Variants in SUPT3H observed in about 807,000 individuals in gnomAD.
SUPT3H encodes transcription initiation protein SPT3 homolog.
A neutral mutation model predicts 44.3 loss-of-function variants in SUPT3H; 44 were observed. That is an observed-to-expected ratio of 0.99 (90% confidence interval 0.78 to 1.28). The LOEUF (loss-of-function observed/expected upper bound fraction) is 1.28. Ranked by LOEUF, SUPT3H falls within the 50% of genes most tolerant of loss-of-function variation. SUPT3H has a pLI of 0.00. For missense variants in SUPT3H, 380 were observed against 387.1 expected (o/e 0.98, Z 0.15); for synonymous variants, 124 against 125.6 (o/e 0.99, Z 0.09).
In SUPT3H at chr6:45,143,734, A is replaced by G. The variant is rs186336904; in HGVS notation, c.102-37728T>C. ...AACTAAATGAAATTGAAACAAAAAAATGCAAAATAAAGTGAAACATAAAGC... is the reference window on the plus strand; with the variant it reads ...AACTAAATGAAATTGAAACAAAAAAGTGCAAAATAAAGTGAAACATAAAGC... On this transcript the variant is annotated intron_variant, in intron 2 of 10. Coordinates refer to ENST00000371459, the MANE Select transcript of SUPT3H (RefSeq NM_003599.4). Among the ~76,000 whole-genome samples the G allele has an allele frequency of 2.0e-5, 3 of 152,180 alleles. No homozygotes were observed. The East Asian group carries it at 5.8e-4, about 29-fold the overall frequency.
chr6:44,916,578 G>A (rs1004912264), intron 10 of SUPT3H, among the ~76,000 whole-genome samples: 12 of 152,150 alleles, frequency 7.9e-5, no homozygotes, highest in Admixed American at 6.6e-4. Flanking sequence ...ACTGAAAATG[G>A]ACATAGAAAC....
At chr6:45,008,672 A>C (rs1783051943) in intron 5 of SUPT3H, among the ~76,000 whole-genome samples, 1 of 151,444 alleles carries the variant, frequency 6.6e-6, no homozygotes, top group South Asian at 2.1e-4. Context: ...TATCTTTTTG[A>C]TCACAGTCAT....
chr6:45,150,850 GTAGCTGGGA>G (rs1806848826), intron 2 of SUPT3H, among the ~76,000 whole-genome samples: 1 of 148,522 alleles, frequency 6.7e-6, no homozygotes, highest in Non-Finnish European at 1.5e-5. Flanking sequence ...AGCTTCCCAA[GTAGCTGGGA>G]CTACAGGCGT....
At chr6:44,884,889 C>T (rs993852428) in intron 10 of SUPT3H, among the ~76,000 whole-genome samples, 15 of 152,018 alleles carry the variant, frequency 9.9e-5, no homozygotes, top group African/African-American at 3.4e-4. Context: ...GACGGCACCT[C>T]GAAAATCGGG....
chr6:44,867,673 T>C (rs1278378414), intron 10 of SUPT3H, among the ~76,000 whole-genome samples: 15 of 152,252 alleles, frequency 9.9e-5, no homozygotes, highest in East Asian at 9.7e-4. Context: ...AGAATCTCAT[T>C]GGTTCACACC....
intron 6 of SUPT3H, among the ~76,000 whole-genome samples, chr6:44,967,702 G>A (rs1776966051): frequency 1.3e-5 from 2 of 152,176 alleles, no homozygotes; most frequent in South Asian, 4.1e-4. Context: ...AAGGCACATG[G>A]CATTTAACTT....
intron 2 of SUPT3H, among the ~76,000 whole-genome samples, chr6:45,336,572 CTAAAT>C (rs1481088366): frequency 6.6e-6 from 1 of 151,268 alleles, no homozygotes; most frequent in East Asian, 1.9e-4. Context: ...GCTTAAATTG[CTAAAT>C]TATTTAATTA....
At chr6:45,101,647 A>C (rs553809790) in intron 3 of SUPT3H, among the ~76,000 whole-genome samples, 1 of 152,332 alleles carries the variant, frequency 6.6e-6, no homozygotes, top group South Asian at 2.1e-4. Flanking sequence ...GTGGATTTTG[A>C]ATATTCCCAA....
intron 2 of SUPT3H, among the ~76,000 whole-genome samples, chr6:45,338,283 C>A (rs1042661707): frequency 1.3e-5 from 2 of 151,944 alleles, no homozygotes; most frequent in Admixed American, 1.3e-4. Context: ...TATACTTTCA[C>A]TGCAGATTGT....
chr6:45,087,725 C>T (rs531534239), intron 3 of SUPT3H, among the ~76,000 whole-genome samples: 54 of 151,974 alleles, frequency 3.6e-4, no homozygotes, highest in African/African-American at 1.2e-3. Context: ...GGGGCTTGAG[C>T]TCTCTGTTTC....
chr6:45,085,838 T>A (rs1035808715), intron 3 of SUPT3H, among the ~76,000 whole-genome samples: 3 of 152,108 alleles, frequency 2.0e-5, no homozygotes, highest in Non-Finnish European at 4.4e-5. Flanking sequence ...TGATAATTTT[T>A]GCTTGTCTGG....
intron 2 of SUPT3H, among the ~76,000 whole-genome samples, chr6:45,214,015 C>CAAAAAAAAAAAAAAAA (rs11418358): frequency 9.4e-5 from 7 of 74,100 alleles, no homozygotes; most frequent in Admixed American, 1.8e-4. Context: ...TTTTGAAATG[C>CAAAAAAAAAAAAAAAA]AAAAAAAAAA....
At chr6:44,817,728 T>C (rs1581810324) in intron 11 of SUPT3H, among the ~76,000 whole-genome samples, 1 of 152,216 alleles carries the variant, frequency 6.6e-6, no homozygotes, top group East Asian at 1.9e-4. Context: ...AAAATTTAAA[T>C]ATTTCTTATA....
intron 6 of SUPT3H, among the ~76,000 whole-genome samples, chr6:44,997,579 C>T (rs1019659994): frequency 2.0e-5 from 3 of 151,778 alleles, no homozygotes; most frequent in Admixed American, 6.6e-5. Context: ...CATTGATGCT[C>T]AAGGATTACC....
At chr6:44,843,927 G>GCACGCACA (rs1046367976) in intron 10 of SUPT3H, among the ~76,000 whole-genome samples, 262 of 148,102 alleles carry the variant, frequency 1.8e-3, no homozygotes, top group African/African-American at 6.0e-3. Context: ...ACACACACAC[G>GCACGCACA]CACACACACA....
rs1205803787 is a variant in SUPT3H at position 45,312,749 on chromosome 6, G to T, written c.101+52452C>A. ...ACAGGTCAACAAGACAGTCAACAAA[G>T]AAATAATAAATTTAAACTATACCTT... On this transcript the variant is annotated intron_variant, in intron 2 of 10. Coordinates refer to ENST00000371459, the MANE Select transcript of SUPT3H (RefSeq NM_003599.4). Among the ~76,000 whole-genome samples, 5 of 135,682 alleles carry T rather than the reference G, an allele frequency of 3.7e-5. No homozygotes were observed. The South Asian group carries it at 9.5e-4, about 26-fold the overall frequency. 89.0% of individuals were successfully genotyped at this position (135,682 alleles called of 152,430 possible). A position where few individuals can be genotyped will look rare whatever the true frequency, so the allele number is the denominator to read the frequency against.
chr6:45,128,926 TC>T (rs1454993633), intron 2 of SUPT3H, among the ~76,000 whole-genome samples: 1 of 152,144 alleles, frequency 6.6e-6, no homozygotes, highest in Non-Finnish European at 1.5e-5. Flanking sequence ...CCTCAAGTGA[TC>T]CGCCTGCCTC....
chr6:45,297,077 T>TA (rs373194598), intron 2 of SUPT3H, among the ~76,000 whole-genome samples: 43,463 of 141,292 alleles, frequency 0.31, 7,738 homozygotes, highest in East Asian at 0.52. Flanking sequence ...GAAATAAATT[T>TA]AAAAAAAAAA....
chr6:44,905,422 C>T (rs79839106), intron 10 of SUPT3H, among the ~76,000 whole-genome samples: 18,276 of 118,978 alleles, frequency 0.15, 1,469 homozygotes, highest in East Asian at 0.52. Context: ...TGAAAAAATG[C>T]TCATCATCAC....
Sources: allele counts gnomAD v4.1 joint callset (sites outside exome capture counted in the v4.1 genomes callset), GRCh38; gene constraint gnomAD v4.1.1; transcripts MANE v1.5; gene names NCBI Gene and HGNC (gene_info 2026-07-23, HGNC 2026-07-21).